The following LGSN variants were observed in gnomAD, a reference collection of about 807,000 sequenced individuals.
The protein encoded by LGSN is lengsin, lens protein with glutamine synthetase domain, also known as lengsin.
LGSN carries 21 observed loss-of-function variants against 19.5 expected under a neutral mutation model. The observed-to-expected ratio is 1.07, with a 90% CI of 0.76 to 1.55. The LOEUF is 1.55. Ranked by LOEUF, LGSN falls within the 40% of genes most tolerant of loss-of-function variation. The pLI is 0.00. For missense variants in LGSN, 673 were observed against 608.5 expected, an observed-to-expected ratio of 1.11 and a Z score of -1.12; for synonymous variants, 257 against 215.6, an observed-to-expected ratio of 1.19 and a Z score of -1.68.
intron 1 of LGSN, among the ~76,000 whole-genome samples, chr6:63,314,693 A>G (rs1284445428): frequency 6.6e-6 from 1 of 152,180 alleles, no homozygotes; most frequent in Non-Finnish European, 1.5e-5. Context: ...GATGCTTCCA[A>G]TTTTCCCTTT....
At chr6:63,476,778 T>G in the LGSN span, among the ~76,000 whole-genome samples, 1 of 152,226 alleles carries the variant, frequency 6.6e-6, no homozygotes, top group African/African-American at 2.4e-5. Flanking sequence ...CACTGAACTT[T>G]ATTCATCAAG....
the LGSN span, among the ~76,000 whole-genome samples, chr6:63,493,176 G>A: frequency 1.3e-5 from 2 of 152,164 alleles, no homozygotes; most frequent in Non-Finnish European, 2.9e-5. Flanking sequence ...GCTTCAACAT[G>A]AAGGACTCTA....
At chr6:63,492,112 T>C in the LGSN span, among the ~76,000 whole-genome samples, 2 of 152,178 alleles carry the variant, frequency 1.3e-5, no homozygotes, top group Non-Finnish European at 2.9e-5. Context: ...TTTCACAACT[T>C]TTTCCTTCTT....
chr6:63,281,272 T>G (rs752438231), intron 3 of LGSN, 52 bp from the exon 4 acceptor site: 17 of 1,313,722 alleles, frequency 1.3e-5, no homozygotes, highest in Admixed American at 3.1e-5. Context: ...AACAAAAGGG[T>G]CGGGGGGCGG....
chr6:63,406,815 A>G, the LGSN span, among the ~76,000 whole-genome samples: 1 of 148,344 alleles, frequency 6.7e-6, no homozygotes, highest in African/African-American at 2.6e-5. Context: ...AGAAGAATCA[A>G]ATAGACGCAA....
At chr6:63,309,494 T>C (rs796624749) in intron 1 of LGSN, among the ~76,000 whole-genome samples, 34 of 152,342 alleles carry the variant, frequency 2.2e-4, no homozygotes, top group African/African-American at 7.9e-4. Context: ...ACACAATTTT[T>C]TTCAATATCT....
intron 1 of LGSN, among the ~76,000 whole-genome samples, chr6:63,304,691 C>G (rs1281345907): frequency 6.6e-6 from 1 of 152,160 alleles, no homozygotes; most frequent in Non-Finnish European, 1.5e-5. Flanking sequence ...TATGCTCCTG[C>G]CAGTCACTAT....
chr6:63,386,182 T>A, the LGSN span, among the ~76,000 whole-genome samples: 6 of 152,114 alleles, frequency 3.9e-5, no homozygotes, highest in Non-Finnish European at 5.9e-5. Flanking sequence ...TACTTGGAAG[T>A]TTGATAGAGA....
chr6:63,280,843 A>G lies in LGSN; in HGVS notation c.708T>C (p.Asp236=). 1 of 1,614,084 alleles carries G rather than the reference A, an allele frequency of 6.2e-7. No individual in the cohort carries two copies. The highest frequency in any genetic ancestry group is 2.2e-5 in the East Asian group (1 of 44,884). The change falls in exon 4 of 4, where the codon GAT becomes GAC. Residue 236 remains aspartate (D), a synonymous_variant. Coordinates refer to ENST00000370657, the MANE Select transcript of LGSN (RefSeq NM_016571.3). ...FPALTFLNNH[D]QPFMQELVDG... is the part of the protein sequence containing the mutation. ...CAACAAGTTCCTGCATGAAGGGCTG[A>G]TCATGGTTATTTAAAAATGTTAAAG...
At chr6:63,471,967 C>T in the LGSN span, among the ~76,000 whole-genome samples, 2 of 152,178 alleles carry the variant, frequency 1.3e-5, 1 homozygote, top group Non-Finnish European at 2.9e-5. Flanking sequence ...AGGAAGAGAG[C>T]CCTCACCAGA....
upstream of LGSN, among the ~76,000 whole-genome samples, chr6:63,323,411 C>G (rs1769135171): frequency 1.3e-5 from 2 of 152,178 alleles, no homozygotes; most frequent in East Asian, 3.9e-4. Flanking sequence ...TTTTGAGTCT[C>G]TACTGTCTAT....
the LGSN span, chr6:63,572,596 A>G: frequency 4.8e-6 from 2 of 417,092 alleles, no homozygotes; most frequent in Admixed American, 4.4e-5. Flanking sequence ...CATCGCCGCC[A>G]CCGCCGCTCC....
chr6:63,411,552 G>A, the LGSN span, among the ~76,000 whole-genome samples: 23 of 152,178 alleles, frequency 1.5e-4, no homozygotes, highest in East Asian at 4.2e-3. Context: ...GCTTAATATT[G>A]TGCTAAGGCC....
chr6:63,432,179 GAAA>G, the LGSN span, among the ~76,000 whole-genome samples: 149 of 113,646 alleles, frequency 1.3e-3, 6 homozygotes, highest in African/African-American at 3.5e-3. Context: ...GAAAAGGAAA[GAAA>G]GAAAAGAAAA....
the LGSN span, among the ~76,000 whole-genome samples, chr6:63,494,045 G>C: frequency 6.6e-6 from 1 of 151,644 alleles, no homozygotes; most frequent in Admixed American, 6.6e-5. Context: ...TGCCTCCCGG[G>C]TTCAAGTGAT....
At chr6:63,464,941 G>A in the LGSN span, among the ~76,000 whole-genome samples, 8 of 149,658 alleles carry the variant, frequency 5.3e-5, no homozygotes, top group African/African-American at 9.8e-5. Flanking sequence ...CAGGAGAATC[G>A]CTTGAACCTG....
At chr6:63,430,590 T>C in the LGSN span, among the ~76,000 whole-genome samples, 47 of 152,188 alleles carry the variant, frequency 3.1e-4, no homozygotes, top group Non-Finnish European at 5.9e-4. Context: ...GATTTCACCA[T>C]GTGGCTAGGC....
chr6:63,396,646 C>A, the LGSN span: 1 of 153,328 alleles, frequency 6.5e-6, no homozygotes, highest in South Asian at 1.9e-4. Flanking sequence ...GAAGTTTTCT[C>A]TTCCAGCTGG....
At position 63,293,641 on chromosome 6, in the gene LGSN, C is replaced by T. The variant is rs866374907; in HGVS notation, c.163+1272G>A. On this transcript the variant is annotated intron_variant, in intron 2 of 3. Coordinates refer to ENST00000370657, the MANE Select transcript of LGSN (RefSeq NM_016571.3). ...GGCTAGAACCACATACCAGTTTGTT[C>T]CAGAATCCTTACCAGTAAATCCTTA... 16 of 428,862 alleles carry T rather than the reference C, an allele frequency of 3.7e-5. No individual in the cohort carries two copies. In the Middle Eastern group the frequency reaches 4.8e-3, roughly 127 times the overall value. The allele number at this position is 428,862 out of a possible 1,614,324, so 26.6% of individuals were successfully genotyped here. A position where few individuals can be genotyped will look rare whatever the true frequency, so the allele number is the denominator to read the frequency against.
Sources: allele counts gnomAD v4.1 joint callset (sites outside exome capture counted in the v4.1 genomes callset), GRCh38; gene constraint gnomAD v4.1.1; transcripts MANE v1.5; gene names NCBI Gene and HGNC (gene_info 2026-07-23, HGNC 2026-07-21).